Variants in NSMCE2 observed in about 807,000 individuals in gnomAD.
NSMCE2 encodes NSE2 SUMO ligase component of SMC5/6 complex.
NSMCE2 carries 24 observed loss-of-function variants against 23.8 expected under a neutral mutation model. The observed-to-expected ratio is 1.01, with a 90% CI of 0.73 to 1.42. The LOEUF (loss-of-function observed/expected upper bound fraction) is 1.42, where lower values mean the gene tolerates loss of function less well. Ranked by LOEUF, NSMCE2 falls within the 40% of genes most tolerant of loss-of-function variation. NSMCE2 has a pLI of 0.00. For missense variants in NSMCE2, 284 were observed against 296.5 expected (o/e 0.96, Z 0.31); for synonymous variants, 92 against 94.1 (o/e 0.98, Z 0.13).
At chr8:125,135,480 T>A (rs1161476724) in intron 3 of NSMCE2, among the ~76,000 whole-genome samples, 1 of 152,208 alleles carries the variant, frequency 6.6e-6, no homozygotes. Context: ...TCCCAAAGAT[T>A]TTCTTCTGTA....
At chr8:125,349,607 A>G (rs1812946235) in intron 5 of NSMCE2, among the ~76,000 whole-genome samples, 1 of 152,038 alleles carries the variant, frequency 6.6e-6, no homozygotes. Context: ...AAAGAAAGAA[A>G]AGAAAAGAAA....
intron 5 of NSMCE2, among the ~76,000 whole-genome samples, chr8:125,320,251 GGGAAGGAAGGAA>G (rs1184148348): frequency 0.012 from 681 of 58,252 alleles, 13 homozygotes; most frequent in African/African-American, 0.035. Flanking sequence ...GAGGGAGGGA[GGGAAGGAAGGAA>G]GGAAGGAAGG....
chr8:125,364,760 CTGGGAGGGAATTA>C (rs1350280858), intron 7 of NSMCE2, among the ~76,000 whole-genome samples: 8 of 152,186 alleles, frequency 5.3e-5, no homozygotes, highest in African/African-American at 1.9e-4. Flanking sequence ...CACAGAGGAT[CTGGGAGGGAATTA>C]ACAGTATTGA....
At chr8:125,353,848 A>G (rs1213400605) in intron 5 of NSMCE2, among the ~76,000 whole-genome samples, 1 of 151,234 alleles carries the variant, frequency 6.6e-6, no homozygotes, top group African/African-American at 2.4e-5. Context: ...GTGCCATTGC[A>G]CTCCAGCCTG....
At chr8:125,335,058 A>G (rs1267534802) in intron 5 of NSMCE2, among the ~76,000 whole-genome samples, 1 of 152,048 alleles carries the variant, frequency 6.6e-6, no homozygotes, top group Non-Finnish European at 1.5e-5. Context: ...ACCTGACCAG[A>G]TTGCGAAGTA....
chr8:125,356,578 C>T (rs1158659171), intron 5 of NSMCE2, among the ~76,000 whole-genome samples: 1 of 152,150 alleles, frequency 6.6e-6, no homozygotes, highest in African/African-American at 2.4e-5. Context: ...CCGCCCACCT[C>T]AGCCTCCCAA....
At chr8:125,280,626 G>T (rs1253043596) in intron 5 of NSMCE2, among the ~76,000 whole-genome samples, 8 of 152,178 alleles carry the variant, frequency 5.3e-5, no homozygotes, top group Admixed American at 4.6e-4. Context: ...AAAAAAGAAA[G>T]TATTTGAAGT....
intron 5 of NSMCE2, among the ~76,000 whole-genome samples, chr8:125,260,177 T>C (rs566847494): frequency 4.8e-4 from 73 of 152,062 alleles, no homozygotes; most frequent in Non-Finnish European, 9.7e-4. Flanking sequence ...AATCAAGAAA[T>C]GTGGGAGGAC....
chr8:125,110,794 A>G (rs911391457), intron 3 of NSMCE2, among the ~76,000 whole-genome samples: 4 of 117,968 alleles, frequency 3.4e-5, no homozygotes, highest in Middle Eastern at 4.0e-3. Flanking sequence ...TTTGAGGATA[A>G]TGTTATCTGA....
chr8:125,128,383 A>G (rs1412017054), intron 3 of NSMCE2, among the ~76,000 whole-genome samples: 2 of 152,174 alleles, frequency 1.3e-5, no homozygotes, highest in Non-Finnish European at 2.9e-5. Context: ...AAGTAGATCA[A>G]TTTATAAAAG....
At chr8:125,290,141 G>T (rs964528471) in intron 5 of NSMCE2, among the ~76,000 whole-genome samples, 3 of 152,016 alleles carry the variant, frequency 2.0e-5, no homozygotes, top group Admixed American at 1.3e-4. Flanking sequence ...TCCAACAGAT[G>T]CATTTTTCAT....
chr8:125,167,815 T>C (rs1399509333), intron 4 of NSMCE2, among the ~76,000 whole-genome samples: 2 of 151,934 alleles, frequency 1.3e-5, no homozygotes, highest in East Asian at 1.9e-4. Context: ...AATGCAAGCA[T>C]TGGGGGAAGT....
intron 1 of NSMCE2, among the ~76,000 whole-genome samples, chr8:125,093,697 T>G (rs1005529593): frequency 6.6e-6 from 1 of 152,070 alleles, no homozygotes; most frequent in South Asian, 2.1e-4. Context: ...CACTCCAGTT[T>G]GGGCGACAGA....
At chr8:125,218,817 T>C (rs1824718786) in intron 5 of NSMCE2, among the ~76,000 whole-genome samples, 1 of 152,216 alleles carries the variant, frequency 6.6e-6, no homozygotes, top group South Asian at 2.1e-4. Context: ...TTGACACTAA[T>C]GAACCATACA....
intron 5 of NSMCE2, among the ~76,000 whole-genome samples, chr8:125,233,057 C>G (rs527285522): frequency 6.6e-6 from 1 of 152,286 alleles, no homozygotes; most frequent in South Asian, 2.1e-4. Context: ...GGGATGTGAC[C>G]TTACGGAAAA....
chr8:125,135,515 A>G (rs1375620760), intron 3 of NSMCE2, among the ~76,000 whole-genome samples: 1 of 152,058 alleles, frequency 6.6e-6, no homozygotes, highest in Non-Finnish European at 1.5e-5. Flanking sequence ...TTGTAGTTTT[A>G]GGTTTTGTAT....
At chr8:125,265,070 G>A (rs1276863199) in intron 5 of NSMCE2, among the ~76,000 whole-genome samples, 1 of 152,036 alleles carries the variant, frequency 6.6e-6, no homozygotes, top group Non-Finnish European at 1.5e-5. Flanking sequence ...AAAAATTAAA[G>A]TTTATATACA....
intron 3 of NSMCE2, among the ~76,000 whole-genome samples, chr8:125,107,783 C>T (rs1481269997): frequency 6.6e-6 from 1 of 152,152 alleles, no homozygotes; most frequent in Non-Finnish European, 1.5e-5. Flanking sequence ...CCCATAATCC[C>T]AGCACTTTGG....
At position 125,159,083 on chromosome 8, in the gene NSMCE2, G is replaced by A. The variant is rs921204652; in HGVS notation, c.264+7806G>A. 5.0e-4 allele frequency among the ~76,000 whole-genome samples: 76 copies of A among 152,318 alleles called. 1 individual carries two copies. The highest frequency in any genetic ancestry group is 1.8e-3 in the African/African-American group (74 of 41,576). On this transcript the variant is annotated intron_variant, in intron 4 of 7. Transcript: ENST00000287437. Reference sequence around the variant, plus strand: ...ATGAAACCTTGTGCCTTGCTGCTCTGTCCTGTCTTCATCACAAGAGGAAGG... The same window carrying A: ...ATGAAACCTTGTGCCTTGCTGCTCTATCCTGTCTTCATCACAAGAGGAAGG...
Sources: allele counts gnomAD v4.1 joint callset (sites outside exome capture counted in the v4.1 genomes callset), GRCh38; gene constraint gnomAD v4.1.1; transcripts MANE v1.5; gene names NCBI Gene and HGNC (gene_info 2026-07-23, HGNC 2026-07-21).